PHIP: variants seen among roughly 807,000 people sequenced by gnomAD.
The protein encoded by PHIP is PH-interacting protein.
A neutral mutation model predicts 236.8 loss-of-function variants in PHIP; 54 were observed. The observed-to-expected ratio is 0.23, with a 90% CI of 0.18 to 0.29. The LOEUF is 0.29. Ranked by LOEUF, PHIP falls within the 10% of genes least tolerant of loss-of-function variation. The pLI is 1.00. For missense variants in PHIP, 1,370 were observed against 2,190.8 expected, an observed-to-expected ratio of 0.63 and a Z score of 7.48; for synonymous variants, 756 against 718.9, an observed-to-expected ratio of 1.05 and a Z score of -0.83.
At chr6:78,999,034 C>T (rs962954735) in intron 17 of PHIP, among the ~76,000 whole-genome samples, 2 of 151,960 alleles carry the variant, frequency 1.3e-5, no homozygotes, top group East Asian at 3.9e-4. Flanking sequence ...TCAGAAAAAT[C>T]AGAGAAGTCC....
At chr6:78,995,482 C>T in intron 19 of PHIP, among the ~76,000 whole-genome samples, 1 of 152,194 alleles carries the variant, frequency 6.6e-6, no homozygotes, top group Admixed American at 6.5e-5. Context: ...TACATTCCCA[C>T]TAGCAATGCA....
chr6:78,963,891 T>C (rs1766955440), intron 29 of PHIP, among the ~76,000 whole-genome samples: 2 of 152,272 alleles, frequency 1.3e-5, no homozygotes, highest in Admixed American at 1.3e-4. Context: ...TTGTGTACAA[T>C]CAAAATTCTC....
intron 16 of PHIP, among the ~76,000 whole-genome samples, chr6:79,002,896 C>T (rs955178946): frequency 6.6e-6 from 1 of 151,926 alleles, no homozygotes; most frequent in Non-Finnish European, 1.5e-5. Context: ...GGTTAATAAG[C>T]ATTTTCTCTA....
At position 78,946,090 on chromosome 6, in the gene PHIP, T is replaced by C. The variant is rs1346280362; in HGVS notation, c.4541A>G (p.Asp1514Gly). 6 of 1,613,630 alleles carry C rather than the reference T, an allele frequency of 3.7e-6. No individual in the cohort carries two copies. The highest frequency in any genetic ancestry group is 5.1e-6 in the Non-Finnish European group (6 of 1,179,620). The change falls in exon 38 of 40, where the codon GAT becomes GGT. Residue 1514 changes from aspartate to glycine, a missense_variant. Around this residue, in one of 14 missense-constraint regions of PHIP, gnomAD observed 309 missense variants for 328.3 expected, o/e 0.94. Coordinates refer to ENST00000275034, the MANE Select transcript of PHIP (RefSeq NM_017934.7). ...AGATGGTTGCTCAGTGACAACTGGA[T>C]CTACAACCACTCGGTTGCTTCTGGT... The part of the protein sequence containing the change: ...VRTRSNRVVV[D>G]PVVTEQPSTS...
At chr6:78,977,143 T>C (rs1435552668) in intron 24 of PHIP, among the ~76,000 whole-genome samples, 3 of 145,808 alleles carry the variant, frequency 2.1e-5, no homozygotes, top group African/African-American at 7.7e-5. Flanking sequence ...CCAACAATGA[T>C]AGACTGGATT....
At position 78,969,931 on chromosome 6, in the gene PHIP, G is replaced by T. The variant is rs760225051; in HGVS notation, c.3123-14C>A. On this transcript the variant is annotated splice_polypyrimidine_tract_variant and intron_variant, in intron 26 of 39. Coordinates refer to ENST00000275034, the MANE Select transcript of PHIP (RefSeq NM_017934.7). ...ATATCATGGTATCTAATTACAAACA[G>T]AAACAAATTGATTAGGTCACATACC... The T allele has an allele frequency of 1.3e-6, 2 of 1,575,232 alleles. No individual in the cohort carries two copies. The highest frequency in any genetic ancestry group is 1.7e-6 in the Non-Finnish European group (2 of 1,152,572).
At chr6:78,995,725 T>C (rs1341776676) in intron 19 of PHIP, among the ~76,000 whole-genome samples, 1 of 152,258 alleles carries the variant, frequency 6.6e-6, no homozygotes, top group Non-Finnish European at 1.5e-5. Flanking sequence ...TTCTGTTGTT[T>C]ACTATTGAGT....
At chr6:79,068,514 C>T (rs1186280053) in intron 4 of PHIP, among the ~76,000 whole-genome samples, 1 of 152,028 alleles carries the variant, frequency 6.6e-6, no homozygotes, top group East Asian at 1.9e-4. Context: ...AGTCACACAG[C>T]CTGGGTTTAA....
At chr6:79,017,446 A>G in intron 11 of PHIP, 37 bp downstream of exon 11, 2 of 1,576,224 alleles carry the variant, frequency 1.3e-6, no homozygotes, top group Non-Finnish European at 1.7e-6. Flanking sequence ...GGACTCACAT[A>G]AATTATACTC....
At chr6:78,983,867 G>A (rs925400910) in intron 22 of PHIP, among the ~76,000 whole-genome samples, 3 of 151,886 alleles carry the variant, frequency 2.0e-5, no homozygotes, top group African/African-American at 4.8e-5. Flanking sequence ...ATTGACAAAC[G>A]ATTTACTGAA....
At chr6:78,954,321 T>C (rs1029012578) in intron 35 of PHIP, among the ~76,000 whole-genome samples, 2 of 151,924 alleles carry the variant, frequency 1.3e-5, no homozygotes, top group African/African-American at 4.8e-5. Context: ...TTAGCCAGGA[T>C]GGTCTCGATC....
Position 78,945,495 on chromosome 6 carries a change from G to C in PHIP, c.4633C>G (p.Leu1545Val). 6.3e-7 allele frequency: 1 copy of C among 1,577,594 alleles called. No homozygotes were observed. Among genetic ancestry groups the C allele is most frequent in the Non-Finnish European group, 8.7e-7 (1 of 1,149,872 alleles). Residue 1545 changes from leucine (L) to valine (V), a missense_variant and splice_region_variant, in exon 39 of 40, where the codon CTA (leucine) becomes GTA (valine). Around this residue, in one of 14 missense-constraint regions of PHIP, gnomAD observed 309 missense variants for 328.3 expected, o/e 0.94. Transcript: ENST00000275034. ...NASAIPGKTI[L>V]ENSVKHSKAL... ...TTGGAATGTTTCACAGAATTCTCTA[G>C]TACTAAAACATACAAACAAAATTTA... is the stretch of plus-strand genomic sequence containing the variant.
intron 12 of PHIP, 37 bp from the exon 13 acceptor site, chr6:79,016,679 C>A: frequency 7.7e-7 from 1 of 1,300,572 alleles, no homozygotes; most frequent in Non-Finnish European, 1.1e-6. Context: ...AAAGAAAAAT[C>A]ATACATGCTT....
Position 78,973,315 on chromosome 6 carries a change from A to G in PHIP, c.2890-2427T>C, listed in dbSNP as rs569967686. ...GAAGGAGAAATAAAATACTTTACAG[A>G]CAAGCAAATGCTGAGAGATTTTGTC... On this transcript the variant is annotated intron_variant, in intron 24 of 39. Coordinates refer to ENST00000275034, the MANE Select transcript of PHIP (RefSeq NM_017934.7). 5.5e-3 allele frequency among the ~76,000 whole-genome samples: 830 copies of G among 151,170 alleles called. 5 individuals are homozygous for G. The highest frequency in any genetic ancestry group is 0.02 in the African/African-American group (808 of 41,136).
At chr6:78,978,842 G>C (rs1246713259) in intron 23 of PHIP, 131 bp from the exon 24 acceptor site, 1 of 609,806 alleles carries the variant, frequency 1.6e-6, no homozygotes, top group Non-Finnish European at 2.5e-6. Flanking sequence ...ATTATATACA[G>C]TTGGCCCTGT....
chr6:78,992,372 A>T (rs147946027), intron 19 of PHIP, among the ~76,000 whole-genome samples: 1 of 152,284 alleles, frequency 6.6e-6, no homozygotes, highest in East Asian at 1.9e-4. Flanking sequence ...CATTTATACA[A>T]TCCACTGATC....
intron 6 of PHIP, among the ~76,000 whole-genome samples, chr6:79,057,647 T>C (rs559613149): frequency 6.6e-6 from 1 of 152,258 alleles, no homozygotes; most frequent in South Asian, 2.1e-4. Flanking sequence ...CCTCCACTGA[T>C]ACTTGGTAAT....
intron 20 of PHIP, among the ~76,000 whole-genome samples, chr6:78,990,214 T>C (rs1769140207): frequency 6.6e-6 from 1 of 152,128 alleles, no homozygotes; most frequent in Admixed American, 6.6e-5. Context: ...TTTCAGACTC[T>C]AAGGCTCTGA....
chr6:78,972,824 G>T (rs1050158091), intron 24 of PHIP, among the ~76,000 whole-genome samples: 5 of 152,078 alleles, frequency 3.3e-5, no homozygotes, highest in Non-Finnish European at 7.4e-5. Flanking sequence ...GGGAAGTTTA[G>T]AGAAAAAAAC....
Sources: allele counts gnomAD v4.1 joint callset (sites outside exome capture counted in the v4.1 genomes callset), GRCh38; gene constraint gnomAD v4.1.1; regional missense constraint gnomAD v4.1.1; transcripts MANE v1.5; gene names NCBI Gene and HGNC (gene_info 2026-07-23, HGNC 2026-07-21).